The following PFDN1 variants were observed in gnomAD, a reference collection of about 807,000 sequenced individuals.
PFDN1 encodes prefoldin 1.
Under a neutral mutation model 17.3 loss-of-function variants are expected in PFDN1, and 6 were observed. That is an observed-to-expected ratio of 0.35 (90% CI 0.19 to 0.69). PFDN1 has a LOEUF of 0.69. PFDN1 is among the 30% of genes least tolerant of loss of function. The probability of loss-of-function intolerance (pLI) is 0.65; values close to 1 mark genes in which losing one functional copy is unlikely to be tolerated. For synonymous variants in PFDN1, 58 were observed against 50.1 expected, an observed-to-expected ratio of 1.16 and a Z score of -0.67; for missense variants, 113 against 146.2, an observed-to-expected ratio of 0.77 and a Z score of 1.17.
chr5:140,299,796 G>C (rs2126703613), intron 2 of PFDN1, among the ~76,000 whole-genome samples: 1 of 151,668 alleles, frequency 6.6e-6, no homozygotes, highest in South Asian at 2.1e-4. Flanking sequence ...GGCGGATCAG[G>C]AGGTCAGGAG....
At chr5:140,269,539 G>A (rs971744540) in intron 3 of PFDN1, among the ~76,000 whole-genome samples, 1 of 152,072 alleles carries the variant, frequency 6.6e-6, no homozygotes, top group Non-Finnish European at 1.5e-5. Context: ...GGCTGGTCTC[G>A]AACTCCTGAC....
chr5:140,246,035 C>T lies in PFDN1; in HGVS notation c.308G>A (p.Arg103Gln), dbSNP rs370351660. 2.6e-5 allele frequency: 40 copies of T among 1,561,082 alleles called. No homozygotes were observed. The highest frequency in any genetic ancestry group is 7.6e-5 in the Admixed American group (4 of 52,352). The change falls in exon 4 of 4, where the codon CGA (arginine) becomes CAA (glutamine). Residue 103 changes from arginine (R) to glutamine (Q), a missense_variant. By Grantham distance (43) the Arg-to-Gln change is conservative. Transcript: ENST00000261813. Reference sequence around the variant, plus strand: ...GTTGTCCTCAGCTTCCTTAACGCTTCGCTCCAGGTAGGACTTTTTCTGCTG... The same window carrying T: ...GTTGTCCTCAGCTTCCTTAACGCTTTGCTCCAGGTAGGACTTTTTCTGCTG... Reference protein sequence around the residue: ...ELEQKKSYLERSVKEAEDNIR... With the variant: ...ELEQKKSYLEQSVKEAEDNIR...
chr5:140,255,757 A>G (rs996300394), intron 3 of PFDN1, among the ~76,000 whole-genome samples: 30 of 152,084 alleles, frequency 2.0e-4, no homozygotes, highest in African/African-American at 7.0e-4. Context: ...TTAATCTTCT[A>G]TTTCTTACTC....
intron 3 of PFDN1, among the ~76,000 whole-genome samples, chr5:140,259,487 C>T (rs538671739): frequency 3.9e-5 from 6 of 152,250 alleles, no homozygotes; most frequent in African/African-American, 9.6e-5. Context: ...TTCAATAAGA[C>T]GGACTAGAGG....
At chr5:140,256,104 T>C (rs1764981976) in intron 3 of PFDN1, among the ~76,000 whole-genome samples, 1 of 152,192 alleles carries the variant, frequency 6.6e-6, no homozygotes, top group Admixed American at 6.5e-5. Flanking sequence ...AACTGGCTAC[T>C]CTTTCTAAGT....
At chr5:140,292,137 C>T (rs1475296854) in intron 2 of PFDN1, among the ~76,000 whole-genome samples, 2 of 152,084 alleles carry the variant, frequency 1.3e-5, no homozygotes, top group Non-Finnish European at 2.9e-5. Flanking sequence ...AAGTAAGCAC[C>T]TCTGATGTTT....
chr5:140,248,711 G>C (rs763059806), intron 3 of PFDN1, among the ~76,000 whole-genome samples: 8 of 152,126 alleles, frequency 5.3e-5, no homozygotes, highest in Non-Finnish European at 1.2e-4. Context: ...GCCAAACTCA[G>C]GCTATACCTC....
intron 2 of PFDN1, among the ~76,000 whole-genome samples, chr5:140,284,412 G>C (rs556920416): frequency 1.3e-5 from 2 of 152,266 alleles, no homozygotes; most frequent in East Asian, 3.9e-4. Flanking sequence ...ATTGTATGAA[G>C]ACTGGAAAAG....
At chr5:140,295,568 A>C (rs1765640450) in intron 2 of PFDN1, among the ~76,000 whole-genome samples, 1 of 152,198 alleles carries the variant, frequency 6.6e-6, no homozygotes, top group Admixed American at 6.5e-5. Context: ...TGGTGGTAGT[A>C]GTATCAGGCT....
chr5:140,265,020 G>C (rs560120416), intron 3 of PFDN1, among the ~76,000 whole-genome samples: 4 of 152,260 alleles, frequency 2.6e-5, no homozygotes, highest in African/African-American at 9.6e-5. Flanking sequence ...GCCCATGTTA[G>C]TACCCACCTC....
At chr5:140,248,794 C>T (rs767389694) in intron 3 of PFDN1, among the ~76,000 whole-genome samples, 23 of 152,168 alleles carry the variant, frequency 1.5e-4, no homozygotes, top group Non-Finnish European at 3.1e-4. Context: ...CACTGCATAT[C>T]CTAAAGTCTT....
chr5:140,289,542 A>G (rs940741318), intron 2 of PFDN1, among the ~76,000 whole-genome samples: 1 of 152,126 alleles, frequency 6.6e-6, no homozygotes, highest in Non-Finnish European at 1.5e-5. Context: ...TCCAGTGCCC[A>G]TACTACAAGC....
chr5:140,245,543 G>C lies in PFDN1; in HGVS notation c.*431C>G. ...CATCCCCCAAGAAAGGAAGGGCTCT[G>C]ATGCAGAGGGAGCAGGAGCTGAGGT... is the stretch of plus-strand genomic sequence containing the variant. On this transcript the variant is annotated 3_prime_UTR_variant, in exon 4 of 4. Coordinates refer to ENST00000261813, the MANE Select transcript of PFDN1 (RefSeq NM_002622.5). The C allele has an allele frequency of 1.4e-6, 1 of 702,622 alleles. No homozygotes were observed. Among genetic ancestry groups the C allele is most frequent in the Non-Finnish European group, 2.6e-6 (1 of 385,008 alleles). 43.5% of individuals were successfully genotyped at this position (702,622 alleles called of 1,614,324 possible). A position where few individuals can be genotyped will look rare whatever the true frequency, so the allele number is the denominator to read the frequency against.
rs1238493204 is a variant in PFDN1, at chr5:140,254,140, C to A, written c.286-8083G>T. On this transcript the variant is annotated intron_variant, in intron 3 of 3. Coordinates refer to ENST00000261813, the MANE Select transcript of PFDN1 (RefSeq NM_002622.5). The surrounding 1 kb of genome is among the most constrained non-coding windows in gnomAD (Gnocchi z 4.4). ...CCATTGTAGCACAAAAGCAGTCAGACAATGTGTAAACAAATGGGTGTGGTG... is the reference window on the plus strand; with the variant it reads ...CCATTGTAGCACAAAAGCAGTCAGAAAATGTGTAAACAAATGGGTGTGGTG... 6.6e-6 allele frequency among the ~76,000 whole-genome samples: 1 copy of A among 152,170 alleles called. No homozygotes were observed. Among genetic ancestry groups the A allele is most frequent in the Non-Finnish European group, 1.5e-5 (1 of 68,042 alleles).
chr5:140,245,386 G>A lies in PFDN1; in HGVS notation c.*588C>T, dbSNP rs1357730494. 1.0e-5 allele frequency: 7 copies of A among 691,066 alleles called. No individual in the cohort carries two copies. The highest frequency in any genetic ancestry group is 1.8e-5 in the Non-Finnish European group (7 of 378,766). The allele number at this position is 691,066 out of a possible 1,614,324, so 42.8% of individuals were successfully genotyped here. A position where few individuals can be genotyped will look rare whatever the true frequency, so the allele number is the denominator to read the frequency against. ...ATCTTTAGGCAGACTGCCATCCAGG[G>A]ACTGCTATTCTGTTCACTGAGATTC... On this transcript the variant is annotated 3_prime_UTR_variant, in exon 4 of 4. Coordinates refer to ENST00000261813, the MANE Select transcript of PFDN1 (RefSeq NM_002622.5).
intron 3 of PFDN1, among the ~76,000 whole-genome samples, chr5:140,277,497 T>C (rs1047413006): frequency 1.3e-5 from 2 of 151,690 alleles, no homozygotes; most frequent in African/African-American, 4.8e-5. Context: ...GAAATACAAA[T>C]TTTCCAGAAT....
chr5:140,253,051 ACAAAT>A (rs890308272), intron 3 of PFDN1, among the ~76,000 whole-genome samples: 7 of 152,252 alleles, frequency 4.6e-5, no homozygotes, highest in Non-Finnish European at 1.0e-4. Flanking sequence ...CCGCTGGGAG[ACAAAT>A]CAAAGAAAGA....
At chr5:140,252,609 C>G (rs1025697472) in intron 3 of PFDN1, among the ~76,000 whole-genome samples, 3 of 152,196 alleles carry the variant, frequency 2.0e-5, no homozygotes, top group Non-Finnish European at 4.4e-5. Context: ...TTCTCGTGTT[C>G]GCTCACTGGC....
At chr5:140,282,411 T>G (rs1271287002) in intron 2 of PFDN1, among the ~76,000 whole-genome samples, 2 of 151,606 alleles carry the variant, frequency 1.3e-5, no homozygotes, top group African/African-American at 4.8e-5. Flanking sequence ...TCCATTTTTT[T>G]TTTTTTTTTG....
Sources: allele counts gnomAD v4.1 joint callset (sites outside exome capture counted in the v4.1 genomes callset), GRCh38; gene constraint gnomAD v4.1.1; non-coding constraint Gnocchi (gnomAD v3.1); transcripts MANE v1.5; gene names NCBI Gene and HGNC (gene_info 2026-07-23, HGNC 2026-07-21).